The following OTOGL variants were observed in gnomAD, a reference collection of about 807,000 sequenced individuals.
OTOGL encodes otogelin-like protein.
Under a neutral mutation model 318.5 loss-of-function variants are expected in OTOGL, and 285 were observed. That is an observed-to-expected ratio of 0.89 (90% CI 0.81 to 0.99). The LOEUF (loss-of-function observed/expected upper bound fraction) is 0.99, where lower values mean the gene tolerates loss of function less well. Among genes scored for constraint, OTOGL ranks in the 50% least tolerant of loss-of-function variants. The pLI is 0.00. For synonymous variants in OTOGL, 987 were observed against 936.5 expected (o/e 1.05, Z -0.99); for missense variants, 2,899 against 2,845.6 (o/e 1.02, Z -0.43).
chr12:80,122,386 A>T (rs1257168814), intron 1 of OTOGL, among the ~76,000 whole-genome samples: 1 of 152,196 alleles, frequency 6.6e-6, no homozygotes, highest in Non-Finnish European at 1.5e-5. Flanking sequence ...TTTTCATTTA[A>T]CTGTGCTATG....
Position 80,318,560 on chromosome 12 carries a change from C to T in OTOGL, c.3649C>T (p.Pro1217Ser), listed in dbSNP as rs1398207365. ...EYYNEGLGEG[P>S]YMLASYGQSG... is the part of the protein sequence containing the mutation. ...TATTTAACTAGGACTTGGAGAAGGA[C>T]CATATATGCTGGCAAGCTATGGGCA... The change falls in exon 33 of 59, where the codon CCA becomes TCA. Residue 1217 changes from proline (P) to serine (S), a missense_variant. Physicochemically the swap from Pro to Ser is moderately conservative, Grantham distance 74. This residue lies in a region of OTOGL where 2,607 missense variants were observed against 2,524.9 expected (regional missense o/e 1.03). Transcript: ENST00000547103. 8.9e-6 allele frequency: 12 copies of T among 1,353,748 alleles called. No individual in the cohort carries two copies. Among genetic ancestry groups the T allele is most frequent in the Non-Finnish European group, 9.5e-6 (10 of 1,049,284 alleles). The allele number at this position is 1,353,748 out of a possible 1,614,324, so 83.9% of individuals were successfully genotyped here. A position where few individuals can be genotyped will look rare whatever the true frequency, so the allele number is the denominator to read the frequency against.
At chr12:80,104,919 A>T (rs1244923530) in intron 1 of OTOGL, among the ~76,000 whole-genome samples, 2 of 151,966 alleles carry the variant, frequency 1.3e-5, no homozygotes, top group East Asian at 3.9e-4. Context: ...ACATGAAGAA[A>T]CCCTGTCTCT....
intron 1 of OTOGL, among the ~76,000 whole-genome samples, chr12:80,111,948 G>A (rs1869866280): frequency 6.6e-6 from 1 of 152,136 alleles, no homozygotes; most frequent in Admixed American, 6.6e-5. Flanking sequence ...AGTTCTCCTT[G>A]AAGAGGTCCT....
intron 52 of OTOGL, chr12:80,361,184 C>T (rs1157412229): frequency 6.9e-6 from 1 of 144,972 alleles, no homozygotes; most frequent in Non-Finnish European, 1.5e-5. Flanking sequence ...TCCCTACCTT[C>T]TGTGAGTTCA....
At position 80,380,104 on chromosome 12, in the gene OTOGL, A is replaced by C. The variant is rs924482713; in HGVS notation, c.*2056A>C. ...CGTAGATAAAGAAAAATTTGAATTC[A>C]TACATCCATTGACATTAGGATAACC... is the stretch of plus-strand genomic sequence containing the variant. On this transcript the variant is annotated 3_prime_UTR_variant, in exon 59 of 59. Coordinates refer to ENST00000547103, the MANE Select transcript of OTOGL (RefSeq NM_001378609.3). The C allele has an allele frequency of 1.3e-5, 2 of 152,066 alleles. No homozygotes were observed. Among genetic ancestry groups the C allele is most frequent in the African/African-American group, 4.8e-5 (2 of 41,446 alleles). 9.4% of individuals were successfully genotyped at this position (152,066 alleles called of 1,614,324 possible).
intron 1 of OTOGL, among the ~76,000 whole-genome samples, chr12:80,181,226 T>C (rs967143233): frequency 2.0e-5 from 3 of 152,184 alleles, no homozygotes; most frequent in Admixed American, 6.5e-5. Flanking sequence ...TAAATTATTT[T>C]AGTTTGGGGC....
At chr12:80,287,482 A>C (rs937137696) in intron 26 of OTOGL, among the ~76,000 whole-genome samples, 1 of 148,346 alleles carries the variant, frequency 6.7e-6, no homozygotes, top group Non-Finnish European at 1.5e-5. Context: ...GATATGTCTC[A>C]TATTGACAGT....
chr12:80,349,222 A>C (rs915286997), intron 44 of OTOGL, among the ~76,000 whole-genome samples: 5 of 152,166 alleles, frequency 3.3e-5, no homozygotes, highest in Non-Finnish European at 7.4e-5. Flanking sequence ...AGGTTGGAAG[A>C]GTTATTAGTA....
intron 18 of OTOGL, among the ~76,000 whole-genome samples, chr12:80,259,197 T>G (rs1188902558): frequency 6.6e-6 from 1 of 150,868 alleles, no homozygotes; most frequent in Non-Finnish European, 1.5e-5. Context: ...ATCAACTATA[T>G]ATATAAATGC....
Position 80,138,950 on chromosome 12 carries a change from C to T in OTOGL, c.-20+39345C>T, listed in dbSNP as rs569927274. 1.9e-4 allele frequency among the ~76,000 whole-genome samples: 29 copies of T among 152,222 alleles called. No individual in the cohort carries two copies. The South Asian group carries it at 6.0e-3, about 32-fold the overall frequency. On this transcript the variant is annotated intron_variant, in intron 1 of 58. Transcript: ENST00000547103. Reference sequence around the variant, plus strand: ...TAAACATTTAGACTATCTTTCTCACCGTCTCTTCCAACTACCTTTTACTGT... The same window carrying T: ...TAAACATTTAGACTATCTTTCTCACTGTCTCTTCCAACTACCTTTTACTGT...
chr12:80,146,287 A>C (rs1341746202), intron 1 of OTOGL, among the ~76,000 whole-genome samples: 39 of 146,716 alleles, frequency 2.7e-4, no homozygotes, highest in Admixed American at 2.0e-4. Context: ...AATTTTGTCA[A>C]AGGCTTTTTC....
chr12:80,354,883 C>A (rs953078516), intron 46 of OTOGL, among the ~76,000 whole-genome samples: 6 of 152,054 alleles, frequency 3.9e-5, no homozygotes, highest in African/African-American at 1.4e-4. Flanking sequence ...AAAACTTTTA[C>A]TTAAAAGTAA....
At position 80,328,649 on chromosome 12, in the gene OTOGL, T is replaced by C. The variant is rs1245374710; in HGVS notation, c.4200-16T>C. 1 of 1,557,604 alleles carries C rather than the reference T, an allele frequency of 6.4e-7. No individual in the cohort carries two copies. Among genetic ancestry groups the C allele is most frequent in the Admixed American group, 1.7e-5 (1 of 58,486 alleles). On this transcript the variant is annotated splice_polypyrimidine_tract_variant and intron_variant, in intron 35 of 58. Transcript: ENST00000547103. ...AACTTTTCTTCACTTTGATTTACTC[T>C]TTTTTCCATGTAAAGGGTTGAAGGA...
At chr12:80,177,279 A>T (rs753359635) in intron 1 of OTOGL, among the ~76,000 whole-genome samples, 1 of 152,172 alleles carries the variant, frequency 6.6e-6, no homozygotes, top group Non-Finnish European at 1.5e-5. Context: ...ACCCGTTTCA[A>T]GTTAACATTT....
intron 1 of OTOGL, among the ~76,000 whole-genome samples, chr12:80,148,823 C>T (rs1346198001): frequency 6.6e-6 from 1 of 152,198 alleles, no homozygotes; most frequent in Non-Finnish European, 1.5e-5. Context: ...GTTGCTGATA[C>T]CCTTTCTTCC....
In OTOGL at chr12:80,302,708, CT is replaced by C; in HGVS notation, c.3141del (p.Pro1048GlnfsTer42). 6.5e-7 allele frequency: 1 copy of C among 1,534,904 alleles called. No homozygotes were observed. The highest frequency in any genetic ancestry group is 8.7e-7 in the Non-Finnish European group (1 of 1,145,044). ...WKAGYYIVVY[F>X]PEKDITILWD... The stretch of plus-strand genomic sequence containing the variant: ...AGGCTGGTTACTATATAGTAGTATA[CT>C]TTCCAGAGAAAGATATCACTATTCT... On this transcript the variant is annotated frameshift_variant, in exon 28 of 59. Coordinates refer to ENST00000547103, the MANE Select transcript of OTOGL (RefSeq NM_001378609.3). LOFTEE classifies it high-confidence loss of function.
intron 22 of OTOGL, 98 bp from the exon 23 acceptor site, chr12:80,270,004 T>C (rs990758410): frequency 2.2e-5 from 21 of 974,272 alleles, no homozygotes; most frequent in Non-Finnish European, 2.8e-5. Context: ...TATAATGTAC[T>C]CAATCAATTC....
chr12:80,128,367 C>T (rs1454570607), intron 1 of OTOGL, among the ~76,000 whole-genome samples: 3 of 152,188 alleles, frequency 2.0e-5, no homozygotes, highest in Admixed American at 2.0e-4. Context: ...TATTGGTGAA[C>T]AGCAAATGTT....
intron 28 of OTOGL, among the ~76,000 whole-genome samples, chr12:80,305,172 A>G (rs911910232): frequency 3.3e-5 from 5 of 152,188 alleles, no homozygotes; most frequent in Admixed American, 1.3e-4. Flanking sequence ...CAAGGATGGG[A>G]ATATATATAA....
Sources: gnomAD v4.1 joint callset for allele counts (sites outside exome capture counted in the v4.1 genomes callset) on GRCh38, gnomAD v4.1.1 for gene constraint, gnomAD v4.1.1 regional missense constraint, MANE v1.5 for transcripts, NCBI Gene and HGNC (gene_info 2026-07-23, HGNC 2026-07-21) for gene names.